DZIP1: variants seen among roughly 807,000 people sequenced by gnomAD.
DZIP1 encodes the protein cilium assembly protein DZIP1.
DZIP1 carries 97 observed loss-of-function variants against 107.6 expected under a neutral mutation model. The ratio of observed to expected loss-of-function variants is 0.90; its 90% CI spans 0.77 to 1.07. The LOEUF is 1.07. Among genes scored for constraint, DZIP1 ranks in the 50% least tolerant of loss-of-function variants. The pLI is 0.00. For missense variants in DZIP1, 1,035 were observed against 1,063.6 expected (o/e 0.97, Z 0.37); for synonymous variants, 390 against 386.4 (o/e 1.01, Z -0.11).
Position 95,641,243 on chromosome 13 carries a change from G to A in DZIP1, c.597+52C>T, listed in dbSNP as rs371926032. On this transcript the variant is annotated intron_variant, in intron 5 of 22. Coordinates refer to ENST00000376829, the MANE Select transcript of DZIP1 (RefSeq NM_198968.4). This position sits in a 1 kb window ranked among gnomAD's most constrained non-coding sequence, Gnocchi z 4.3. ...TGATACGGGACAGGCCTATCAAATG[G>A]GAACTGAGTTGTTTACTGGATTATG... The A allele has an allele frequency of 5.3e-6, 8 of 1,521,070 alleles. No homozygotes were observed. In the African/African-American group the frequency reaches 9.7e-5, roughly 18 times the overall value. 94.2% of individuals were successfully genotyped at this position (1,521,070 alleles called of 1,614,324 possible).
chr13:95,615,656 A>C (rs1874956347), intron 10 of DZIP1, among the ~76,000 whole-genome samples: 1 of 152,246 alleles, frequency 6.6e-6, no homozygotes, highest in Non-Finnish European at 1.5e-5. Context: ...GCGTCCTTAC[A>C]GAAAAGCAAC....
chr13:95,615,699 C>T (rs556842488), intron 10 of DZIP1, among the ~76,000 whole-genome samples: 5 of 152,294 alleles, frequency 3.3e-5, no homozygotes, highest in East Asian at 3.9e-4. Context: ...TTTTCCTTCC[C>T]GGCTGGGAGC....
At chr13:95,620,230 C>A (rs974762052) in intron 9 of DZIP1, among the ~76,000 whole-genome samples, 8 of 152,124 alleles carry the variant, frequency 5.3e-5, no homozygotes, top group Non-Finnish European at 1.2e-4. Context: ...GCACTTCCCT[C>A]TTCACTCTTT....
At chr13:95,582,833 A>G (rs1057211737) in intron 22 of DZIP1, among the ~76,000 whole-genome samples, 2 of 152,204 alleles carry the variant, frequency 1.3e-5, no homozygotes, top group Admixed American at 6.5e-5. Context: ...GACTCTAGAA[A>G]TGTGTTCCTC....
At chr13:95,626,891 C>T (rs1054386502) in intron 7 of DZIP1, among the ~76,000 whole-genome samples, 5 of 152,100 alleles carry the variant, frequency 3.3e-5, no homozygotes, top group Admixed American at 6.5e-5. Context: ...GGAAAGACAT[C>T]CCATGTTCAT....
In DZIP1 at chr13:95,587,680, G is replaced by C; in HGVS notation, c.2077C>G (p.Arg693Gly). 6.2e-7 allele frequency: 1 copy of C among 1,614,034 alleles called. No individual in the cohort carries two copies. The highest frequency in any genetic ancestry group is 2.2e-5 in the East Asian group (1 of 44,860). ...EEEQEDDDLIRAYASPGPLPV... is the reference protein window; with the variant it reads ...EEEQEDDDLIGAYASPGPLPV... ...AGTGGGCCTGGGGATGCGTATGCCC[G>C]GATGAGGTCGTCGTCCTCCTGCTCC... is the stretch of plus-strand genomic sequence containing the variant. The change falls in exon 20 of 23, where the codon CGG (arginine) becomes GGG (glycine). Residue 693 changes from arginine (R) to glycine (G), a missense_variant. Arg to Gly is a moderately radical substitution (Grantham distance 125, BLOSUM62 -2). Coordinates refer to ENST00000376829, the MANE Select transcript of DZIP1 (RefSeq NM_198968.4).
chr13:95,641,492 A>T lies in DZIP1; in HGVS notation c.400T>A (p.Ser134Thr). ...AGCTGCGAGGTGAGGAACTCTTGTG[A>T]GTGCAGCAAGTACTCGATGGTGAAC... is the stretch of plus-strand genomic sequence containing the variant. ...AQFTIEYLLH[S>T]QEFLTSQLHT... Residue 134 changes from serine to threonine, a missense_variant, in exon 5 of 23, where the codon TCA becomes ACA. Physicochemically the swap from Ser to Thr is moderately conservative, Grantham distance 58 (BLOSUM62 1). Transcript: ENST00000376829. The surrounding 1 kb of genome is among the most constrained non-coding windows in gnomAD (Gnocchi z 4.3). The T allele has an allele frequency of 6.2e-7, 1 of 1,614,062 alleles. No individual in the cohort carries two copies. Among genetic ancestry groups the T allele is most frequent in the Non-Finnish European group, 8.5e-7 (1 of 1,180,010 alleles).
intron 21 of DZIP1, among the ~76,000 whole-genome samples, chr13:95,585,336 AC>A (rs1250092541): frequency 6.6e-6 from 1 of 152,158 alleles, no homozygotes; most frequent in African/African-American, 2.4e-5. Flanking sequence ...ACACAGTTCT[AC>A]CATGCCCTTC....
At position 95,603,816 on chromosome 13, in the gene DZIP1, G is replaced by A. The variant is rs2044692221; in HGVS notation, c.1477+2187C>T. On this transcript the variant is annotated intron_variant, in intron 14 of 22. Coordinates refer to ENST00000376829, the MANE Select transcript of DZIP1 (RefSeq NM_198968.4). ...CAGAACCTACTGCCTGTACCGTTTA[G>A]CTTGTGTAGCAGAGTTGAAAGCAGG... Among the ~76,000 whole-genome samples, 3 of 152,136 alleles carry A rather than the reference G, an allele frequency of 2.0e-5. 1 individual carries two copies. Among genetic ancestry groups the A allele is most frequent in the Admixed American group, 6.5e-5 (1 of 15,276 alleles).
In DZIP1 at chr13:95,587,415, T is replaced by C. The variant is rs528057924; in HGVS notation, c.2218+124A>G. 3.7e-5 allele frequency: 49 copies of C among 1,337,890 alleles called. 1 individual carries two copies. The African/African-American group carries it at 5.5e-4, about 15-fold the overall frequency. The allele number at this position is 1,337,890 out of a possible 1,614,324, so 82.9% of individuals were successfully genotyped here. A position where few individuals can be genotyped will look rare whatever the true frequency, so the allele number is the denominator to read the frequency against. ...CCTGCCCATTTTCCGTGGGTGCCTT[T>C]GGGATCCGCTGCATCTGTTCCTTGC... On this transcript the variant is annotated intron_variant, in intron 20 of 22. Coordinates refer to ENST00000376829, the MANE Select transcript of DZIP1 (RefSeq NM_198968.4).
Position 95,644,465 on chromosome 13 carries a change from C to G in DZIP1, c.-614G>C, listed in dbSNP as rs1878888705. 6.5e-6 allele frequency: 1 copy of G among 152,874 alleles called. No homozygotes were observed. The highest frequency in any genetic ancestry group is 2.1e-4 in the South Asian group (1 of 4,844). The allele number at this position is 152,874 out of a possible 1,614,324, so 9.5% of individuals were successfully genotyped here. ...CCAGACCCCAGGGTCGCTGCTGACG[C>G]GGGCCGGGCCCGCGGAGGCCGAGGA... On this transcript the variant is annotated 5_prime_UTR_variant, in exon 1 of 23. Transcript: ENST00000376829.
Position 95,582,083 on chromosome 13 carries a change from C to A in DZIP1, c.*151G>T. 1.5e-6 allele frequency: 1 copy of A among 679,694 alleles called. No individual in the cohort carries two copies. The highest frequency in any genetic ancestry group is 2.6e-6 in the Non-Finnish European group (1 of 385,536). The allele number at this position is 679,694 out of a possible 1,614,324, so 42.1% of individuals were successfully genotyped here. Reference sequence around the variant, plus strand: ...TGATTTTCAATACTGTATTGGGTGCCATTAAAGAGACCATTGTTCTTTGAA... The same window carrying A: ...TGATTTTCAATACTGTATTGGGTGCAATTAAAGAGACCATTGTTCTTTGAA... On this transcript the variant is annotated 3_prime_UTR_variant, in exon 23 of 23. Transcript: ENST00000376829.
intron 7 of DZIP1, among the ~76,000 whole-genome samples, chr13:95,627,551 T>C (rs971554799): frequency 1.3e-5 from 2 of 152,166 alleles, no homozygotes; most frequent in African/African-American, 2.4e-5. Flanking sequence ...ATATCATTGG[T>C]TGTTAAGGAA....
At chr13:95,632,916 T>A (rs983683240) in intron 6 of DZIP1, among the ~76,000 whole-genome samples, 1 of 152,324 alleles carries the variant, frequency 6.6e-6, no homozygotes. Context: ...ATGATCTTCA[T>A]CGCATTTGCC....
intron 7 of DZIP1, among the ~76,000 whole-genome samples, chr13:95,627,663 A>G (rs1028678203): frequency 1.3e-5 from 2 of 152,226 alleles, no homozygotes; most frequent in African/African-American, 4.8e-5. Flanking sequence ...GAGGATGTGG[A>G]GAAATAAGAA....
chr13:95,610,107 T>TGA (rs1435687735), intron 12 of DZIP1, among the ~76,000 whole-genome samples: 3 of 121,948 alleles, frequency 2.5e-5, no homozygotes, highest in African/African-American at 9.6e-5. Flanking sequence ...TGTGTGTGTG[T>TGA]GTGTGAGAGA....
chr13:95,609,263 A>C (rs1256808632), intron 13 of DZIP1, among the ~76,000 whole-genome samples, 194 bp downstream of exon 13: 1 of 152,266 alleles, frequency 6.6e-6, no homozygotes, highest in Non-Finnish European at 1.5e-5. Context: ...CAAAATCACC[A>C]CAACATCATG....
chr13:95,593,809 A>G, intron 16 of DZIP1, 135 bp downstream of exon 16: 2 of 1,015,064 alleles, frequency 2.0e-6, no homozygotes, highest in Non-Finnish European at 2.8e-6. Context: ...TTTGATAAAT[A>G]AAGTAGGTCA....
intron 10 of DZIP1, among the ~76,000 whole-genome samples, chr13:95,612,517 C>T (rs1375952183): frequency 6.6e-6 from 1 of 152,218 alleles, no homozygotes; most frequent in East Asian, 1.9e-4. Flanking sequence ...TACTAAATTT[C>T]TCCTGCAGTC....
Sources: gnomAD v4.1 joint callset for allele counts (sites outside exome capture counted in the v4.1 genomes callset) on GRCh38, gnomAD v4.1.1 for gene constraint, Gnocchi (gnomAD v3.1) non-coding constraint, MANE v1.5 for transcripts, NCBI Gene and HGNC (gene_info 2026-07-23, HGNC 2026-07-21) for gene names.